The following MTX2 variants were observed in gnomAD, a reference collection of about 807,000 sequenced individuals.
MTX2 encodes metaxin 2.
A neutral mutation model predicts 42.3 loss-of-function variants in MTX2; 35 were observed. That is an observed-to-expected ratio of 0.83 (90% CI 0.63 to 1.10). The LOEUF (loss-of-function observed/expected upper bound fraction) is 1.10. Ranked by LOEUF, MTX2 falls within the 50% of genes least tolerant of loss-of-function variation. The pLI is 0.00. For missense variants in MTX2, 307 were observed against 304.1 expected (o/e 1.01, Z -0.07); for synonymous variants, 119 against 100.9 (o/e 1.18, Z -1.08).
intron 9 of MTX2, among the ~76,000 whole-genome samples, chr2:176,335,862 A>T (rs557858082): frequency 6.6e-6 from 1 of 152,232 alleles, no homozygotes; most frequent in East Asian, 1.9e-4. Context: ...TGGAGATGTT[A>T]TGTAGGCATT....
chr2:176,294,602 T>C (rs1351950924), intron 1 of MTX2, among the ~76,000 whole-genome samples: 1 of 152,228 alleles, frequency 6.6e-6, no homozygotes, highest in Non-Finnish European at 1.5e-5. Context: ...CTGAAATTAC[T>C]GACCACATAA....
At position 176,337,491 on chromosome 2, in the gene MTX2, A is replaced by G; in HGVS notation, c.621-2A>G. On this transcript the variant is annotated splice_acceptor_variant, in intron 9 of 9. Transcript: ENST00000249442. LOFTEE classifies it high-confidence loss of function. ...TCACATTACTCTCATTTCTACTTTT[A>G]GGCCTACTGAACTTGACGCACTGGT... 6.3e-7 allele frequency: 1 copy of G among 1,590,106 alleles called. No individual in the cohort carries two copies. The highest frequency in any genetic ancestry group is 1.4e-5 in the African/African-American group (1 of 73,906).
intron 9 of MTX2, among the ~76,000 whole-genome samples, chr2:176,331,565 A>G (rs140127515): frequency 6.6e-6 from 1 of 151,316 alleles, no homozygotes; most frequent in African/African-American, 2.4e-5. Context: ...GTTTGGAAAT[A>G]TTTAAGTTAT....
intron 3 of MTX2, among the ~76,000 whole-genome samples, chr2:176,316,660 C>T (rs1259905622): frequency 1.3e-5 from 2 of 152,116 alleles, no homozygotes; most frequent in African/African-American, 2.4e-5. Flanking sequence ...GCTTCGGCCT[C>T]CCAAAGTGCT....
At chr2:176,333,793 G>A (rs1192404282) in intron 9 of MTX2, among the ~76,000 whole-genome samples, 2 of 151,534 alleles carry the variant, frequency 1.3e-5, no homozygotes, top group East Asian at 3.9e-4. Flanking sequence ...CATTATCATT[G>A]TGTTACAGTT....
At chr2:176,307,497 A>G (rs1253096326) in intron 3 of MTX2, among the ~76,000 whole-genome samples, 5 of 152,202 alleles carry the variant, frequency 3.3e-5, no homozygotes, top group African/African-American at 4.8e-5. Context: ...TTCAGGCAGT[A>G]TGGCCATTTT....
chr2:176,337,208 A>G (rs1274656468), intron 9 of MTX2, among the ~76,000 whole-genome samples: 1 of 151,934 alleles, frequency 6.6e-6, no homozygotes, highest in African/African-American at 2.4e-5. Context: ...TGCCTGGCTA[A>G]TTTTTGTATT....
At chr2:176,307,376 G>A (rs1684178780) in intron 3 of MTX2, among the ~76,000 whole-genome samples, 1 of 152,178 alleles carries the variant, frequency 6.6e-6, no homozygotes, top group South Asian at 2.1e-4. Flanking sequence ...GCTTAGGATT[G>A]TCTTGGCAAT....
intron 9 of MTX2, among the ~76,000 whole-genome samples, chr2:176,333,562 A>C (rs1684909825): frequency 6.6e-6 from 1 of 151,640 alleles, no homozygotes; most frequent in Non-Finnish European, 1.5e-5. Context: ...TATATGTCAG[A>C]GTCAGTGTAA....
At chr2:176,314,162 G>A (rs903656081) in intron 3 of MTX2, among the ~76,000 whole-genome samples, 7 of 151,990 alleles carry the variant, frequency 4.6e-5, no homozygotes, top group Middle Eastern at 3.4e-3. Context: ...GGCTGGGTGC[G>A]GTGGTGACTC....
At chr2:176,302,679 C>T (rs918174303) in intron 3 of MTX2, among the ~76,000 whole-genome samples, 10 of 152,084 alleles carry the variant, frequency 6.6e-5, no homozygotes, top group African/African-American at 2.4e-4. Flanking sequence ...CTCAAATGAT[C>T]CACCCATCTC....
intron 2 of MTX2, 88 bp downstream of exon 2, chr2:176,296,995 G>A: frequency 7.5e-7 from 1 of 1,340,714 alleles, no homozygotes; most frequent in Non-Finnish European, 1.1e-6. Context: ...ACTGCAAAGA[G>A]AATATAAAAT....
chr2:176,327,851 G>T (rs1431645119), intron 5 of MTX2, among the ~76,000 whole-genome samples: 1 of 150,886 alleles, frequency 6.6e-6, no homozygotes, highest in Non-Finnish European at 1.5e-5. Context: ...ATCATTTTAT[G>T]TATCTCCTAG....
chr2:176,293,715 A>G (rs1693377789), intron 1 of MTX2, among the ~76,000 whole-genome samples: 1 of 152,224 alleles, frequency 6.6e-6, no homozygotes, highest in Non-Finnish European at 1.5e-5. Flanking sequence ...TACAGTCTGC[A>G]GAACCATGAG....
At position 176,337,785 on chromosome 2, in the gene MTX2, A is replaced by G; in HGVS notation, c.*121A>G. 3 of 839,368 alleles carry G rather than the reference A, an allele frequency of 3.6e-6. No individual in the cohort carries two copies. Among genetic ancestry groups the G allele is most frequent in the Non-Finnish European group, 5.5e-6 (3 of 548,646 alleles). The allele number at this position is 839,368 out of a possible 1,614,324, so 52.0% of individuals were successfully genotyped here. A position where few individuals can be genotyped will look rare whatever the true frequency, so the allele number is the denominator to read the frequency against. ...TGCTTTTTGAAACCTCAAATTATAT[A>G]ATGTATCTTATGTATGTGCTTTATA... On this transcript the variant is annotated 3_prime_UTR_variant, in exon 10 of 10. Coordinates refer to ENST00000249442, the MANE Select transcript of MTX2 (RefSeq NM_006554.5).
In MTX2 at chr2:176,328,660, C is replaced by T. The variant is rs536904055; in HGVS notation, c.379-214C>T. 9.9e-5 allele frequency among the ~76,000 whole-genome samples: 15 copies of T among 151,252 alleles called. No homozygotes were observed. The East Asian group carries it at 2.7e-3, about 27-fold the overall frequency. On this transcript the variant is annotated intron_variant, in intron 6 of 9. Transcript: ENST00000249442. ...TTGCTTAAATAATATCTGTAAAACA[C>T]TTTAATGGTATTTAGACATGTATTG...
chr2:176,325,286 G>C (rs756022531), intron 4 of MTX2, among the ~76,000 whole-genome samples: 5 of 151,666 alleles, frequency 3.3e-5, no homozygotes, highest in Non-Finnish European at 7.4e-5. Flanking sequence ...TATGACCTTT[G>C]ATTCGCACCA....
At chr2:176,292,583 A>G (rs1255233088) in intron 1 of MTX2, among the ~76,000 whole-genome samples, 3 of 152,260 alleles carry the variant, frequency 2.0e-5, no homozygotes, top group South Asian at 2.1e-4. Context: ...TTAGATGTGG[A>G]TAATAATTTT....
chr2:176,307,715 T>C (rs80000514), intron 3 of MTX2, among the ~76,000 whole-genome samples: 9,088 of 152,252 alleles, frequency 0.06, 303 homozygotes, highest in Non-Finnish European at 0.08. Flanking sequence ...CTGTTAATGG[T>C]GTATAGGAAT....
Sources: gnomAD v4.1 joint callset for allele counts (sites outside exome capture counted in the v4.1 genomes callset) on GRCh38, gnomAD v4.1.1 for gene constraint, MANE v1.5 for transcripts, NCBI Gene and HGNC (gene_info 2026-07-23, HGNC 2026-07-21) for gene names.